The following MGST1 variants were observed in gnomAD, a reference collection of about 807,000 sequenced individuals.
MGST1 encodes microsomal glutathione S-transferase 1, also known as glutathione S-transferase 12.
Under a neutral mutation model 8.9 loss-of-function variants are expected in MGST1, and 5 were observed. The observed-to-expected ratio is 0.56, with a 90% confidence interval of 0.29 to 1.19. The LOEUF (loss-of-function observed/expected upper bound fraction) is 1.19, where lower values mean the gene tolerates loss of function less well. MGST1 is among the 50% of genes most tolerant of loss of function. MGST1 has a pLI of 0.08. For missense variants in MGST1, 182 were observed against 187.4 expected (o/e 0.97, Z 0.17); for synonymous variants, 54 against 67.8 (o/e 0.80, Z 1.00).
intron 1 of MGST1, among the ~76,000 whole-genome samples, chr12:16,395,804 T>TACAC (rs61693803): frequency 3.2e-5 from 4 of 123,750 alleles, no homozygotes; most frequent in East Asian, 2.9e-4. Context: ...TATATATATA[T>TACAC]ACACACACAC....
chr12:16,532,038 A>G (rs1282520922), intron 4 of MGST1, among the ~76,000 whole-genome samples: 1 of 152,122 alleles, frequency 6.6e-6, no homozygotes, highest in Non-Finnish European at 1.5e-5. Context: ...CAAGCTTCCC[A>G]AATTCAAAAC....
intron 4 of MGST1, among the ~76,000 whole-genome samples, chr12:16,498,045 T>C (rs947459819): frequency 6.6e-6 from 1 of 152,184 alleles, no homozygotes; most frequent in African/African-American, 2.4e-5. Flanking sequence ...AGAAGCACTA[T>C]GATATGACCC....
chr12:16,494,919 T>C (rs1421463845), intron 4 of MGST1, among the ~76,000 whole-genome samples: 1 of 152,144 alleles, frequency 6.6e-6, no homozygotes, highest in Non-Finnish European at 1.5e-5. Context: ...GTTTACTGTA[T>C]ATATGTTTAT....
intron 1 of MGST1, among the ~76,000 whole-genome samples, chr12:16,391,140 T>C (rs1591715324): frequency 8.6e-5 from 2 of 23,128 alleles, no homozygotes; most frequent in South Asian, 2.8e-3. Flanking sequence ...TGCCCACTTC[T>C]TTTTTTTTTT....
intron 1 of MGST1, among the ~76,000 whole-genome samples, chr12:16,422,549 G>A (rs1481496168): frequency 6.6e-6 from 1 of 152,116 alleles, no homozygotes; most frequent in African/African-American, 2.4e-5. Flanking sequence ...AGCTGACAAT[G>A]GGGCCTGGGT....
chr12:16,562,069 A>G (rs2137348060), intron 4 of MGST1, among the ~76,000 whole-genome samples: 1 of 152,314 alleles, frequency 6.6e-6, no homozygotes, highest in Non-Finnish European at 1.5e-5. Context: ...TTGATAAATA[A>G]TATTTATTTA....
intron 4 of MGST1, among the ~76,000 whole-genome samples, chr12:16,524,607 T>A (rs964466544): frequency 2.0e-5 from 3 of 152,068 alleles, no homozygotes; most frequent in Non-Finnish European, 1.5e-5. Context: ...ACCAAACCTG[T>A]TAGACTTGTT....
intron 4 of MGST1, among the ~76,000 whole-genome samples, chr12:16,505,513 A>G (rs1941532211): frequency 6.6e-6 from 1 of 152,168 alleles, no homozygotes; most frequent in Non-Finnish European, 1.5e-5. Flanking sequence ...CAGATCATCC[A>G]GACTAAAAAC....
chr12:16,539,635 C>T (rs1454261510), intron 4 of MGST1, among the ~76,000 whole-genome samples: 3 of 152,110 alleles, frequency 2.0e-5, no homozygotes, highest in Non-Finnish European at 4.4e-5. Flanking sequence ...TAATGTCTGC[C>T]GACTCTACCC....
In MGST1 at chr12:16,354,320, T is replaced by C. The variant is rs1206109642; in HGVS notation, c.68T>C (p.Ile23Thr). The C allele has an allele frequency of 6.2e-7, 1 of 1,607,390 alleles. No homozygotes were observed. ...GCTTTTGCATCCTATGCAACAATTA[T>C]TCTTTCAAAAATGATGCTTATGAGT... ...FMAFASYATI[I>T]LSKMMLMSTA... The change falls in exon 2 of 4, where the codon ATT becomes ACT. Residue 23 changes from isoleucine (I) to threonine (T), a missense_variant. By Grantham distance (89) the Ile-to-Thr change is moderately conservative (BLOSUM62 -1). Transcript: ENST00000396210.
intron 1 of MGST1, among the ~76,000 whole-genome samples, chr12:16,414,611 T>C (rs1182041863): frequency 6.6e-6 from 1 of 150,706 alleles, no homozygotes; most frequent in Non-Finnish European, 1.5e-5. Context: ...GAGACGGGGT[T>C]TCATCATGTT....
At chr12:16,408,552 TTAA>T (rs1208298649) in intron 1 of MGST1, among the ~76,000 whole-genome samples, 1 of 152,188 alleles carries the variant, frequency 6.6e-6, no homozygotes, top group African/African-American at 2.4e-5. Context: ...TCTTTTAAAA[TTAA>T]TCTTTGCTTC....
At chr12:16,422,224 C>A (rs1940844327) in intron 1 of MGST1, among the ~76,000 whole-genome samples, 1 of 152,116 alleles carries the variant, frequency 6.6e-6, no homozygotes, top group African/African-American at 2.4e-5. Flanking sequence ...GATCAACCAG[C>A]CCATCTATTC....
Position 16,503,125 on chromosome 12 carries a change from A to G in MGST1, n.483-86403A>G, listed in dbSNP as rs1430117898. ...TAAGAATGAAGAAGGAAAGGAAAGA[A>G]GTTAAAATAGAAGTTTTTATGGGAT... On this transcript the variant is annotated intron_variant and non_coding_transcript_variant, in intron 4 of 4. Coordinates refer to the MGST1 transcript ENST00000538857. This position sits in a 1 kb window ranked among gnomAD's most constrained non-coding sequence, Gnocchi z 4.8. Among the ~76,000 whole-genome samples the G allele has an allele frequency of 6.6e-6, 1 of 152,168 alleles. No individual in the cohort carries two copies. Among genetic ancestry groups the G allele is most frequent in the Non-Finnish European group, 1.5e-5 (1 of 68,024 alleles).
intron 4 of MGST1, chr12:16,514,139 C>T (rs1941595197): frequency 8.3e-6 from 3 of 363,540 alleles, no homozygotes; most frequent in South Asian, 2.5e-5. Flanking sequence ...TTGCCAGTGG[C>T]AATGGTAACA....
At chr12:16,556,824 TTGTAGGGGC>T (rs1942209727) in intron 4 of MGST1, among the ~76,000 whole-genome samples, 1 of 152,282 alleles carries the variant, frequency 6.6e-6, no homozygotes, top group African/African-American at 2.4e-5. Flanking sequence ...TTAGTTTGTC[TTGTAGGGGC>T]TGAAGTGACA....
chr12:16,464,184 G>T (rs1941239894), intron 4 of MGST1, among the ~76,000 whole-genome samples: 1 of 152,194 alleles, frequency 6.6e-6, no homozygotes, highest in African/African-American at 2.4e-5. Context: ...TGCACATAGT[G>T]AATGGTCAAC....
chr12:16,430,613 A>AT (rs35209608), intron 1 of MGST1, among the ~76,000 whole-genome samples: 93,322 of 151,054 alleles, frequency 0.62, 29,048 homozygotes, highest in East Asian at 0.81. Flanking sequence ...TTTGAAAGAA[A>AT]TTTTTTTTTT....
intron 1 of MGST1, among the ~76,000 whole-genome samples, chr12:16,351,779 C>A (rs1939476972): frequency 6.6e-6 from 1 of 152,070 alleles, no homozygotes; most frequent in South Asian, 2.1e-4. Flanking sequence ...CACTGCACTG[C>A]AGCCTGGGCG....
Sources: allele counts gnomAD v4.1 joint callset (sites outside exome capture counted in the v4.1 genomes callset), GRCh38; gene constraint gnomAD v4.1.1; non-coding constraint Gnocchi (gnomAD v3.1); transcripts MANE v1.5; gene names NCBI Gene and HGNC (gene_info 2026-07-23, HGNC 2026-07-21).